Variants in DNAH7 observed in about 807,000 individuals in gnomAD.
DNAH7 encodes dynein axonemal heavy chain 7, also known as axonemal beta dynein heavy chain 7.
A neutral mutation model predicts 444.6 loss-of-function variants in DNAH7; 397 were observed. That is an observed-to-expected ratio of 0.89 (90% CI 0.82 to 0.97). DNAH7 has a LOEUF of 0.97. Ranked by LOEUF, DNAH7 falls within the 50% of genes least tolerant of loss-of-function variation. The pLI is 0.00. For missense variants in DNAH7, 4,902 were observed against 4,800.8 expected (o/e 1.02, Z -0.62); for synonymous variants, 1,636 against 1,624.4 (o/e 1.01, Z -0.17).
intron 12 of DNAH7, among the ~76,000 whole-genome samples, chr2:196,000,214 G>C (rs1693950466): frequency 6.6e-6 from 1 of 152,146 alleles, no homozygotes; most frequent in South Asian, 2.1e-4. Flanking sequence ...GTAAGTTGAA[G>C]AATTTTCAGA....
In DNAH7 at chr2:195,996,799, A is replaced by T. The variant is rs79592091; in HGVS notation, c.1353+3905T>A. Among the ~76,000 whole-genome samples the T allele has an allele frequency of 0.02, 2,981 of 152,328 alleles. 250 individuals carry two copies. The East Asian group carries it at 0.27, about 14-fold the overall frequency. On this transcript the variant is annotated intron_variant, in intron 12 of 64. Transcript: ENST00000312428. Reference sequence around the variant, plus strand: ...ATCTATATTGTAACAAAACAAAATCATGTCTGCAGTGGACATTCTACAACA... The same window carrying T: ...ATCTATATTGTAACAAAACAAAATCTTGTCTGCAGTGGACATTCTACAACA...
chr2:195,792,504 GA>G (rs761207635), intron 57 of DNAH7, among the ~76,000 whole-genome samples: 18 of 146,822 alleles, frequency 1.2e-4, no homozygotes, highest in Non-Finnish European at 1.9e-4. Context: ...GAAAGAATAG[GA>G]AAATGTGCCA....
chr2:195,803,806 TG>T (rs774749251), intron 54 of DNAH7, among the ~76,000 whole-genome samples: 5 of 152,266 alleles, frequency 3.3e-5, no homozygotes, highest in Non-Finnish European at 7.3e-5. Flanking sequence ...AGGACAGAAC[TG>T]TGGCCAGAAG....
chr2:195,894,647 T>A (rs1331031571), intron 30 of DNAH7: 4 of 177,438 alleles, frequency 2.3e-5, no homozygotes, highest in Non-Finnish European at 3.5e-5. Context: ...TACAAATCTA[T>A]CTAGAAAATA....
At chr2:196,001,263 A>G (rs1040201757) in intron 11 of DNAH7, among the ~76,000 whole-genome samples, 5 of 152,344 alleles carry the variant, frequency 3.3e-5, no homozygotes, top group Middle Eastern at 3.4e-3. Flanking sequence ...ACCTCATGGT[A>G]ACTTTCTCCA....
At chr2:195,943,893 T>C (rs1161864321) in intron 19 of DNAH7, among the ~76,000 whole-genome samples, 1 of 152,202 alleles carries the variant, frequency 6.6e-6, no homozygotes, top group Non-Finnish European at 1.5e-5. Flanking sequence ...ACCATATAAT[T>C]AAGTTCCTCC....
intron 30 of DNAH7, 57 bp downstream of exon 30, chr2:195,894,919 A>T: frequency 6.8e-7 from 1 of 1,466,892 alleles, no homozygotes; most frequent in Non-Finnish European, 9.1e-7. Context: ...ATAATGGTAC[A>T]TTCTACCTTG....
intron 38 of DNAH7, among the ~76,000 whole-genome samples, chr2:195,874,001 C>T (rs1017573269): frequency 6.6e-6 from 1 of 152,170 alleles, no homozygotes; most frequent in Non-Finnish European, 1.5e-5. Context: ...CCACAGTTTA[C>T]AGCTTAAAGC....
chr2:196,023,540 T>C (rs753721657), intron 8 of DNAH7, among the ~76,000 whole-genome samples: 1 of 152,210 alleles, frequency 6.6e-6, no homozygotes, highest in Non-Finnish European at 1.5e-5. Flanking sequence ...CTTCCTTACC[T>C]TTCTCAGCCT....
chr2:195,852,915 C>CAGAGAGAG (rs201538951), intron 46 of DNAH7, among the ~76,000 whole-genome samples: 17 of 84,694 alleles, frequency 2.0e-4, no homozygotes, highest in African/African-American at 5.2e-4. Context: ...CACACACACA[C>CAGAGAGAG]AGAGAGAGAG....
chr2:195,828,931 G>A (rs376349247), intron 48 of DNAH7, among the ~76,000 whole-genome samples: 2 of 152,076 alleles, frequency 1.3e-5, no homozygotes, highest in South Asian at 4.2e-4. Flanking sequence ...TGAATGTTTT[G>A]TGGCTTACTA....
chr2:195,871,959 A>AC, intron 40 of DNAH7, among the ~76,000 whole-genome samples: 1 of 81,572 alleles, frequency 1.2e-5, no homozygotes, highest in Admixed American at 1.0e-4. Flanking sequence ...AAAAAAAAAA[A>AC]AAAAAAAAAA....
At chr2:195,948,297 T>G (rs1397620774) in intron 19 of DNAH7, among the ~76,000 whole-genome samples, 12 of 152,226 alleles carry the variant, frequency 7.9e-5, no homozygotes, top group Admixed American at 7.9e-4. Context: ...TTAGTTTAAT[T>G]ATATCCCATT....
At chr2:195,752,645 G>A (rs1418262909) in intron 63 of DNAH7, among the ~76,000 whole-genome samples, 1 of 152,156 alleles carries the variant, frequency 6.6e-6, no homozygotes, top group Admixed American at 6.5e-5. Flanking sequence ...AATATTAGGG[G>A]AACCTAAACC....
At chr2:195,852,923 G>C (rs879640758) in intron 46 of DNAH7, among the ~76,000 whole-genome samples, 4,124 of 138,670 alleles carry the variant, frequency 0.03, 60 homozygotes, top group African/African-American at 0.044. Flanking sequence ...CACAGAGAGA[G>C]AGAGAGAGAG....
intron 10 of DNAH7, among the ~76,000 whole-genome samples, chr2:196,009,470 C>T (rs770462631): frequency 4.6e-5 from 7 of 152,118 alleles, no homozygotes; most frequent in Non-Finnish European, 1.0e-4. Flanking sequence ...AGGTTTTCAA[C>T]TTGGCCTAGT....
chr2:195,882,620 C>G (rs1294471545), intron 35 of DNAH7, among the ~76,000 whole-genome samples: 1 of 152,182 alleles, frequency 6.6e-6, no homozygotes, highest in African/African-American at 2.4e-5. Context: ...TGTGCCATAT[C>G]TTTGCATCCA....
chr2:196,039,720 A>ACCCAGGAG (rs977910585), intron 5 of DNAH7, among the ~76,000 whole-genome samples: 1 of 151,346 alleles, frequency 6.6e-6, no homozygotes, highest in Non-Finnish European at 1.5e-5. Flanking sequence ...AAGCACTTGA[A>ACCCAGGAG]CCCAGGAGGT....
Position 195,764,874 on chromosome 2 carries a change from GA to G in DNAH7, c.11433+6785del, listed in dbSNP as rs58120504. Reference sequence around the variant, plus strand: ...ACCTATGACATTCTTTATAGAAATAGAAAAAAAAAAACGCTAAAACTTATAT... The same window carrying G: ...ACCTATGACATTCTTTATAGAAATAGAAAAAAAAAACGCTAAAACTTATAT... On this transcript the variant is annotated intron_variant, in intron 61 of 64. Coordinates refer to ENST00000312428, the MANE Select transcript of DNAH7 (RefSeq NM_018897.3). Among the ~76,000 whole-genome samples the G allele has an allele frequency of 0.026, 3,710 of 141,240 alleles. 239 individuals are homozygous for G. In the East Asian group the frequency reaches 0.27, roughly 10 times the overall value. 92.7% of individuals were successfully genotyped at this position (141,240 alleles called of 152,430 possible). A position where few individuals can be genotyped will look rare whatever the true frequency, so the allele number is the denominator to read the frequency against.
Sources: allele counts gnomAD v4.1 joint callset (sites outside exome capture counted in the v4.1 genomes callset), GRCh38; gene constraint gnomAD v4.1.1; transcripts MANE v1.5; gene names NCBI Gene and HGNC (gene_info 2026-07-23, HGNC 2026-07-21).